The following GPC5 variants were observed in gnomAD, a reference collection of about 807,000 sequenced individuals.
The protein encoded by GPC5 is glypican 5, also known as glypican-5.
Under a neutral mutation model 53.9 loss-of-function variants are expected in GPC5, and 47 were observed. The ratio of observed to expected loss-of-function variants is 0.87; its 90% CI spans 0.69 to 1.11. The LOEUF is 1.11. GPC5 is among the 50% of genes most tolerant of loss of function. GPC5 has a pLI of 0.00. For missense variants in GPC5, 748 were observed against 713.1 expected (o/e 1.05, Z -0.56); for synonymous variants, 286 against 263.3 (o/e 1.09, Z -0.84).
intron 7 of GPC5, among the ~76,000 whole-genome samples, chr13:92,663,613 T>C (rs369387869): frequency 4.9e-4 from 41 of 83,308 alleles, no homozygotes; most frequent in Admixed American, 1.7e-3. Flanking sequence ...TATATATATA[T>C]CTACTATATA....
At chr13:92,142,786 G>C (rs965568142) in intron 6 of GPC5, among the ~76,000 whole-genome samples, 10 of 151,992 alleles carry the variant, frequency 6.6e-5, no homozygotes, top group African/African-American at 1.2e-4. Context: ...ATAATTCTTA[G>C]GGAAGTAAAG....
intron 7 of GPC5, among the ~76,000 whole-genome samples, chr13:92,370,454 G>C (rs903849274): frequency 1.3e-5 from 2 of 152,020 alleles, no homozygotes; most frequent in African/African-American, 2.4e-5. Flanking sequence ...ATGGGCTAAA[G>C]TCTCCACCTA....
At chr13:91,422,584 C>T (rs904697206) in intron 1 of GPC5, among the ~76,000 whole-genome samples, 1 of 152,002 alleles carries the variant, frequency 6.6e-6, no homozygotes, top group African/African-American at 2.4e-5. Context: ...TGCAGTGAGC[C>T]CAGATCACGC....
At chr13:92,545,862 T>C (rs1001763870) in intron 7 of GPC5, among the ~76,000 whole-genome samples, 30 of 152,250 alleles carry the variant, frequency 2.0e-4, no homozygotes, top group Middle Eastern at 3.4e-3. Context: ...TTCTCCCATT[T>C]TGTAGGTTGC....
chr13:91,600,569 G>A (rs930437101), intron 2 of GPC5, among the ~76,000 whole-genome samples: 1 of 151,662 alleles, frequency 6.6e-6, no homozygotes, highest in Non-Finnish European at 1.5e-5. Context: ...TTAAAATAAT[G>A]TTTATGAGAA....
At chr13:92,245,985 G>T (rs1253188087) in intron 7 of GPC5, among the ~76,000 whole-genome samples, 1 of 151,850 alleles carries the variant, frequency 6.6e-6, no homozygotes, top group Admixed American at 6.6e-5. Flanking sequence ...GTATAAAGGG[G>T]TGAAAAGTAG....
intron 7 of GPC5, among the ~76,000 whole-genome samples, chr13:92,633,368 C>CA (rs35244755): frequency 3.8e-4 from 57 of 149,292 alleles, no homozygotes; most frequent in African/African-American, 1.0e-3. Context: ...TTATCTGAGT[C>CA]AAAAAAAAAA....
intron 2 of GPC5, among the ~76,000 whole-genome samples, chr13:91,555,421 G>C (rs764955887): frequency 6.7e-6 from 1 of 149,524 alleles, no homozygotes; most frequent in Non-Finnish European, 1.5e-5. Flanking sequence ...CTAACTGCAC[G>C]TGTTTTACCA....
intron 6 of GPC5, among the ~76,000 whole-genome samples, chr13:91,967,829 C>A (rs930845005): frequency 3.7e-4 from 56 of 151,998 alleles, no homozygotes; most frequent in African/African-American, 1.3e-3. Flanking sequence ...ATTTATCTGG[C>A]CATATTAGAG....
At chr13:92,296,607 C>G (rs1013764623) in intron 7 of GPC5, among the ~76,000 whole-genome samples, 1 of 152,142 alleles carries the variant, frequency 6.6e-6, no homozygotes, top group East Asian at 1.9e-4. Flanking sequence ...TGTGGGAGCC[C>G]CTTTCTGGGC....
At chr13:92,818,936 T>G (rs1877582193) in intron 7 of GPC5, among the ~76,000 whole-genome samples, 1 of 152,016 alleles carries the variant, frequency 6.6e-6, no homozygotes, top group Admixed American at 6.5e-5. Flanking sequence ...AAATTAGATT[T>G]TCATAGACTT....
chr13:92,637,196 C>A (rs1165814977), intron 7 of GPC5, among the ~76,000 whole-genome samples: 10 of 152,150 alleles, frequency 6.6e-5, no homozygotes, highest in Non-Finnish European at 8.8e-5. Flanking sequence ...GAAGAGAAAT[C>A]TGATCATTAA....
chr13:92,492,639 T>C (rs952831848), intron 7 of GPC5, among the ~76,000 whole-genome samples: 29 of 152,240 alleles, frequency 1.9e-4, no homozygotes, highest in African/African-American at 5.8e-4. Flanking sequence ...ATCAAAGAGA[T>C]GATATTATAA....
At chr13:91,714,385 TG>T (rs1271639297) in intron 3 of GPC5, among the ~76,000 whole-genome samples, 9 of 152,140 alleles carry the variant, frequency 5.9e-5, no homozygotes, top group African/African-American at 2.2e-4. Flanking sequence ...ACACACACCG[TG>T]GAAGATTATG....
chr13:91,517,930 T>G (rs1225042852), intron 2 of GPC5, among the ~76,000 whole-genome samples: 1 of 152,092 alleles, frequency 6.6e-6, no homozygotes, highest in Non-Finnish European at 1.5e-5. Flanking sequence ...CCCCCATAAT[T>G]CAATTACCTC....
intron 7 of GPC5, among the ~76,000 whole-genome samples, chr13:92,828,575 C>A (rs890138857): frequency 6.6e-6 from 1 of 152,066 alleles, no homozygotes; most frequent in South Asian, 2.1e-4. Flanking sequence ...ACCATATAAT[C>A]CAATGCAGCT....
chr13:92,171,781 C>A (rs1323784050), intron 7 of GPC5, among the ~76,000 whole-genome samples: 3 of 152,148 alleles, frequency 2.0e-5, no homozygotes, highest in Non-Finnish European at 4.4e-5. Flanking sequence ...ATGTCTCTAA[C>A]CCAAATGTTT....
At chr13:91,670,393 C>G (rs2035217105) in intron 2 of GPC5, among the ~76,000 whole-genome samples, 2 of 152,026 alleles carry the variant, frequency 1.3e-5, no homozygotes, top group African/African-American at 4.8e-5. Flanking sequence ...TATAAAATAT[C>G]ATAAATCTGA....
chr13:91,438,564 T>A (rs1486856738), intron 1 of GPC5, among the ~76,000 whole-genome samples: 3 of 152,202 alleles, frequency 2.0e-5, no homozygotes, highest in East Asian at 3.9e-4. Flanking sequence ...GGTGTCAGTC[T>A]GCCCCTACTG....
Sources: allele counts gnomAD v4.1 joint callset (sites outside exome capture counted in the v4.1 genomes callset), GRCh38; gene constraint gnomAD v4.1.1; transcripts MANE v1.5; gene names NCBI Gene and HGNC (gene_info 2026-07-23, HGNC 2026-07-21).